DCDC1: variants seen among roughly 807,000 people sequenced by gnomAD.
The protein encoded by DCDC1 is doublecortin domain containing 1, also known as doublecortin domain-containing protein 1.
In DCDC1, 200 loss-of-function variants were observed where a neutral mutation model predicts 178.3. That is an observed-to-expected ratio of 1.12 (90% confidence interval 1.00 to 1.26). The LOEUF is 1.26. DCDC1 is among the 50% of genes most tolerant of loss of function. The pLI, the probability that DCDC1 is intolerant of heterozygous loss-of-function variation, is 0.00. For synonymous variants in DCDC1, 690 were observed against 604.8 expected, an observed-to-expected ratio of 1.14 and a Z score of -2.07; for missense variants, 1,983 against 1,749.2, an observed-to-expected ratio of 1.13 and a Z score of -2.38.
chr11:31,048,659 C>A (rs1955027392), intron 20 of DCDC1, among the ~76,000 whole-genome samples: 1 of 152,026 alleles, frequency 6.6e-6, no homozygotes. Context: ...CGAGACCATC[C>A]TGGCTAACAT....
intron 9 of DCDC1, among the ~76,000 whole-genome samples, chr11:31,208,977 C>A (rs954110798): frequency 1.3e-5 from 2 of 152,168 alleles, no homozygotes. Context: ...TACCCCTCAG[C>A]AAGCTCTTTA....
chr11:31,054,794 T>A (rs1469284050), intron 20 of DCDC1, among the ~76,000 whole-genome samples: 2 of 152,184 alleles, frequency 1.3e-5, no homozygotes, highest in East Asian at 1.9e-4. Context: ...TGTAGGAGAA[T>A]GAAACTGGAT....
chr11:31,241,809 C>A (rs1977171346), intron 8 of DCDC1, 193 bp from the exon 9 acceptor site: 1 of 353,388 alleles, frequency 2.8e-6, no homozygotes, highest in Non-Finnish European at 5.1e-6. Context: ...TGAGACACCC[C>A]CCATGCAAGA....
rs144070924 is a variant in DCDC1 at position 31,141,138 on chromosome 11, A to G, written c.1222-3354T>C. Among the ~76,000 whole-genome samples, 120 of 152,160 alleles carry G rather than the reference A, an allele frequency of 7.9e-4. 1 individual carries two copies. Among genetic ancestry groups the G allele is most frequent in the African/African-American group, 2.6e-3 (107 of 41,524 alleles). ...CTCAGACTGATGGGTTTTATTTTTA[A>G]CTCTCCCCAAAATATTTTAAAGTGT... is the stretch of plus-strand genomic sequence containing the variant. On this transcript the variant is annotated intron_variant, in intron 9 of 38. Coordinates refer to ENST00000684477, the MANE Select transcript of DCDC1 (RefSeq NM_001387274.1).
intron 36 of DCDC1, chr11:30,882,830 C>T (rs1473895408): frequency 1.3e-5 from 2 of 152,172 alleles, no homozygotes; most frequent in African/African-American, 4.8e-5. Context: ...AAAAGATTTA[C>T]AGCAGGAGTA....
rs911722718 is a variant in DCDC1, at chr11:31,088,859, C to A, written c.2237+2534G>T. On this transcript the variant is annotated intron_variant, in intron 17 of 38. Coordinates refer to ENST00000684477, the MANE Select transcript of DCDC1 (RefSeq NM_001387274.1). ...ACTACAGGTGTAGACCTTCACTGAA[C>A]CTGACTAATTTTTCTATTTTTTGTA... Among the ~76,000 whole-genome samples the A allele has an allele frequency of 2.6e-5, 4 of 152,028 alleles. No individual in the cohort carries two copies. In the South Asian group the frequency reaches 8.3e-4, roughly 32 times the overall value.
chr11:30,942,122 G>C (rs951045717), intron 21 of DCDC1, among the ~76,000 whole-genome samples: 1 of 152,134 alleles, frequency 6.6e-6, no homozygotes, highest in African/African-American at 2.4e-5. Flanking sequence ...ATTTAGATAA[G>C]TGTCTGCTAT....
At chr11:31,321,988 T>G (rs1465951118) in intron 3 of DCDC1, among the ~76,000 whole-genome samples, 1 of 152,238 alleles carries the variant, frequency 6.6e-6, no homozygotes, top group Admixed American at 6.5e-5. Flanking sequence ...ACAAGACACC[T>G]AAGAGAAGTT....
intron 38 of DCDC1, among the ~76,000 whole-genome samples, chr11:30,871,430 A>T (rs766060478): frequency 1.3e-5 from 2 of 151,954 alleles, no homozygotes; most frequent in Admixed American, 1.3e-4. Flanking sequence ...CTCCCAACAA[A>T]CCTCCATCAC....
At chr11:31,015,759 C>T (rs929581047) in intron 20 of DCDC1, among the ~76,000 whole-genome samples, 4 of 152,100 alleles carry the variant, frequency 2.6e-5, no homozygotes, top group African/African-American at 4.8e-5. Context: ...AAGTTTTAAT[C>T]GATGCTGCAA....
At chr11:31,273,714 T>C (rs923326476) in intron 7 of DCDC1, among the ~76,000 whole-genome samples, 8 of 152,164 alleles carry the variant, frequency 5.3e-5, no homozygotes, top group Non-Finnish European at 1.2e-4. Flanking sequence ...AGCACCCCAC[T>C]CTTGGTACCA....
At chr11:30,907,858 G>T (rs562132513) in intron 29 of DCDC1, among the ~76,000 whole-genome samples, 2 of 152,252 alleles carry the variant, frequency 1.3e-5, no homozygotes, top group South Asian at 4.1e-4. Flanking sequence ...ATTTTCAGGG[G>T]TTTTGTTACA....
rs201281423 is a variant in DCDC1, at chr11:30,920,836, G to A, written c.3233C>T (p.Pro1078Leu). The change falls in exon 25 of 39, where the codon CCG becomes CTG. Residue 1078 changes from proline to leucine, a missense_variant. Transcript: ENST00000684477. ...IFGEEKQVTE[P>L]EEKQMQEDPL... is the part of the protein sequence containing the mutation. ...ATCTTCTTGCATTTGCTTTTCTTCC[G>A]GTTCTGTAACTTGCTTCTCTTCTCC... is the stretch of plus-strand genomic sequence containing the variant. 181 of 1,613,502 alleles carry A rather than the reference G, an allele frequency of 1.1e-4. No homozygotes were observed. The highest frequency in any genetic ancestry group is 3.3e-4 in the Middle Eastern group (2 of 6,062).
chr11:30,878,628 A>ACAC lies in DCDC1; in HGVS notation c.5314_5316dup (p.Val1772dup). ...AGAGACAGCAGCTTCGTGGATGGTGACACCACAATGTCTGTGGCTTGAGGG... is the reference window on the plus strand; with the variant it reads ...AGAGACAGCAGCTTCGTGGATGGTGACACCACCACAATGTCTGTGGCTTGAGGG... On this transcript the variant is annotated inframe_insertion, in exon 38 of 39. Coordinates refer to ENST00000684477, the MANE Select transcript of DCDC1 (RefSeq NM_001387274.1). The ACAC allele has an allele frequency of 6.2e-7, 1 of 1,611,640 alleles. No homozygotes were observed. Among genetic ancestry groups the ACAC allele is most frequent in the Non-Finnish European group, 8.5e-7 (1 of 1,178,846 alleles).
chr11:31,090,699 C>T (rs1472981188), intron 17 of DCDC1, among the ~76,000 whole-genome samples: 2 of 152,164 alleles, frequency 1.3e-5, no homozygotes, highest in Non-Finnish European at 2.9e-5. Context: ...GCTGGATCAA[C>T]TTCTCTGATG....
At chr11:30,875,378 G>T in intron 38 of DCDC1, among the ~76,000 whole-genome samples, 1 of 152,128 alleles carries the variant, frequency 6.6e-6, no homozygotes, top group East Asian at 1.9e-4. Flanking sequence ...CAGAACCAGC[G>T]GTTCAATAGA....
intron 1 of DCDC1, among the ~76,000 whole-genome samples, chr11:31,366,281 T>A (rs1386889692): frequency 1.3e-5 from 2 of 152,184 alleles, no homozygotes; most frequent in Non-Finnish European, 2.9e-5. Context: ...AATGGATAAA[T>A]TGCCTTTTAA....
At chr11:31,196,703 C>T (rs1241642690) in intron 9 of DCDC1, among the ~76,000 whole-genome samples, 1 of 152,038 alleles carries the variant, frequency 6.6e-6, no homozygotes, top group Non-Finnish European at 1.5e-5. Flanking sequence ...TGTTCACCAA[C>T]CCAGAACCAC....
At chr11:30,871,035 C>G (rs1941501289) in intron 38 of DCDC1, among the ~76,000 whole-genome samples, 1 of 152,168 alleles carries the variant, frequency 6.6e-6, no homozygotes, top group Non-Finnish European at 1.5e-5. Context: ...CATCATGTGT[C>G]CCTGACATCC....
Sources: gnomAD v4.1 joint callset for allele counts (sites outside exome capture counted in the v4.1 genomes callset) on GRCh38, gnomAD v4.1.1 for gene constraint, MANE v1.5 for transcripts, NCBI Gene and HGNC (gene_info 2026-07-23, HGNC 2026-07-21) for gene names.